NBEAL1: variants seen among roughly 807,000 people sequenced by gnomAD.
NBEAL1 encodes neurobeachin like 1.
NBEAL1 carries 273 observed loss-of-function variants against 351.3 expected under a neutral mutation model. That is an observed-to-expected ratio of 0.78 (90% CI 0.70 to 0.86). The LOEUF (loss-of-function observed/expected upper bound fraction) is 0.86. NBEAL1 is among the 40% of genes least tolerant of loss of function. The probability of loss-of-function intolerance (pLI) is 0.00; values close to 1 mark genes in which losing one functional copy is unlikely to be tolerated. For synonymous variants in NBEAL1, 1,050 were observed against 1,086.4 expected (o/e 0.97, Z 0.66); for missense variants, 2,961 against 3,201.3 (o/e 0.92, Z 1.81).
At position 203,113,084 on chromosome 2, in the gene NBEAL1, G is replaced by C; in HGVS notation, c.2272G>C (p.Asp758His). Residue 758 changes from aspartate (D) to histidine (H), a missense_variant, in exon 17 of 56, where the codon GAT becomes CAT. By Grantham distance (81) the Asp-to-His change is moderately conservative. Transcript: ENST00000683969. ...TTTPPPSQIP[D>H]PPFSSPITPH... Reference sequence around the variant, plus strand: ...CACTCCTCCACCATCCCAAATCCCAGATCCACCTTTCTCTTCTCCCATTAC... The same window carrying C: ...CACTCCTCCACCATCCCAAATCCCACATCCACCTTTCTCTTCTCCCATTAC... 3.2e-6 allele frequency: 5 copies of C among 1,549,802 alleles called. No homozygotes were observed. The South Asian group carries it at 4.8e-5, about 15-fold the overall frequency.
intron 12 of NBEAL1, among the ~76,000 whole-genome samples, chr2:203,105,016 C>G (rs999477156): frequency 6.6e-6 from 1 of 151,838 alleles, no homozygotes; most frequent in Non-Finnish European, 1.5e-5. Flanking sequence ...CTTGCCACCA[C>G]GCCTGGCTAA....
chr2:203,030,341 G>A (rs2060930581), intron 2 of NBEAL1, among the ~76,000 whole-genome samples: 1 of 152,124 alleles, frequency 6.6e-6, no homozygotes, highest in Non-Finnish European at 1.5e-5. Context: ...TGAACTTGAG[G>A]TTTTGTTTTC....
intron 7 of NBEAL1, among the ~76,000 whole-genome samples, chr2:203,073,837 CCTT>C (rs1356095961): frequency 6.6e-6 from 1 of 152,136 alleles, no homozygotes; most frequent in Non-Finnish European, 1.5e-5. Flanking sequence ...TTTATTTCGA[CCTT>C]CTTTTCTAGA....
Position 203,125,397 on chromosome 2 carries a change from T to C in NBEAL1, c.2728T>C (p.Leu910=). The C allele has an allele frequency of 1.3e-6, 2 of 1,546,660 alleles. No individual in the cohort carries two copies. Among genetic ancestry groups the C allele is most frequent in the Non-Finnish European group, 1.7e-6 (2 of 1,145,096 alleles). ...TGGGTTAAATGTACTCTTTCCTTTA[T>C]TGGAACAAATCAGCCACTTTAGTGA... ...IGGLNVLFPL[L]EQISHFSEGQ... Residue 910 remains leucine (L), a synonymous_variant, in exon 20 of 56, where the codon TTG becomes CTG. Coordinates refer to ENST00000683969, the MANE Select transcript of NBEAL1 (RefSeq NM_001378026.1).
intron 51 of NBEAL1, among the ~76,000 whole-genome samples, chr2:203,206,629 C>G (rs558214610): frequency 3.6e-4 from 54 of 151,852 alleles, no homozygotes; most frequent in African/African-American, 1.2e-3. Flanking sequence ...CTGTGTTGGC[C>G]GGGCTGGTCT....
intron 2 of NBEAL1, among the ~76,000 whole-genome samples, chr2:203,039,279 CCCTTT>C (rs2061093579): frequency 3.5e-5 from 1 of 28,706 alleles, no homozygotes; most frequent in Non-Finnish European, 7.3e-5. Context: ...CCCTTCCCTT[CCCTTT>C]CGCTTCCCCT....
Position 203,209,332 on chromosome 2 carries a change from C to T in NBEAL1, c.7785+10C>T. 1 of 1,606,556 alleles carries T rather than the reference C, an allele frequency of 6.2e-7. No individual in the cohort carries two copies. The highest frequency in any genetic ancestry group is 2.2e-5 in the East Asian group (1 of 44,726). ...AAAGACCACCCTCAAGGTATATGAC[C>T]TTTCATGCAATAGAGGTAGACTCCC... is the stretch of plus-strand genomic sequence containing the variant. On this transcript the variant is annotated intron_variant, in intron 53 of 55. Coordinates refer to ENST00000683969, the MANE Select transcript of NBEAL1 (RefSeq NM_001378026.1).
chr2:203,148,656 A>G (rs2106346975), intron 33 of NBEAL1, among the ~76,000 whole-genome samples: 1 of 152,190 alleles, frequency 6.6e-6, no homozygotes, highest in South Asian at 2.1e-4. Flanking sequence ...ATCCCAGAGG[A>G]AAATTATTTT....
intron 55 of NBEAL1, among the ~76,000 whole-genome samples, chr2:203,214,369 A>G (rs1012712881): frequency 6.6e-6 from 1 of 152,250 alleles, no homozygotes; most frequent in Non-Finnish European, 1.5e-5. Context: ...GTCAGTGGCT[A>G]TAATAACCTG....
rs1452293040 is a variant in NBEAL1, at chr2:203,220,303, G to A, written c.*2949G>A. Among the ~76,000 whole-genome samples the A allele has an allele frequency of 6.6e-6, 1 of 152,208 alleles. No individual in the cohort carries two copies. Among genetic ancestry groups the A allele is most frequent in the East Asian group, 1.9e-4 (1 of 5,170 alleles). On this transcript the variant is annotated 3_prime_UTR_variant, in exon 56 of 56. Coordinates refer to ENST00000683969, the MANE Select transcript of NBEAL1 (RefSeq NM_001378026.1). ...GTTCAAGACCAGCCTGGCCAACATG[G>A]TGAAACCCTGTCTCTACTAAAAATA...
At position 203,114,894 on chromosome 2, in the gene NBEAL1, G is replaced by A. The variant is rs1224975231; in HGVS notation, c.2507-1091G>A. Reference sequence around the variant, plus strand: ...AGCCTCCCAAGTAGCTAGGATTACAGGTGTGTGCCACCACACCCAGCTAAT... The same window carrying A: ...AGCCTCCCAAGTAGCTAGGATTACAAGTGTGTGCCACCACACCCAGCTAAT... On this transcript the variant is annotated intron_variant, in intron 17 of 55. Coordinates refer to ENST00000683969, the MANE Select transcript of NBEAL1 (RefSeq NM_001378026.1). Among the ~76,000 whole-genome samples the A allele has an allele frequency of 2.0e-5, 3 of 151,394 alleles. No individual in the cohort carries two copies. In the East Asian group the frequency reaches 5.9e-4, roughly 30 times the overall value.
chr2:203,049,839 T>G lies in NBEAL1; in HGVS notation c.169T>G (p.Ser57Ala). ...GGTAGATGATATGCCTCCAGGAATA[T>G]CTCTGCTTCCTGATAATATTCTGCA... ...TRVDDMPPGI[S>A]LLPDNILQVL... The change falls in exon 4 of 56, where the codon TCT becomes GCT. Residue 57 changes from serine (S) to alanine (A), a missense_variant. Coordinates refer to ENST00000683969, the MANE Select transcript of NBEAL1 (RefSeq NM_001378026.1). The G allele has an allele frequency of 9.7e-6, 15 of 1,553,412 alleles. No individual in the cohort carries two copies. The South Asian group carries it at 1.7e-4, about 17-fold the overall frequency.
At chr2:203,122,037 C>T (rs879457083) in intron 18 of NBEAL1, among the ~76,000 whole-genome samples, 6 of 152,114 alleles carry the variant, frequency 3.9e-5, no homozygotes, top group African/African-American at 9.7e-5. Flanking sequence ...CCACCTGCCT[C>T]GGCCTCCCAA....
chr2:203,031,514 A>G (rs933487638), intron 2 of NBEAL1, among the ~76,000 whole-genome samples: 1 of 152,232 alleles, frequency 6.6e-6, no homozygotes, highest in East Asian at 1.9e-4. Context: ...AGGAATGTCA[A>G]TATGAAGTCT....
intron 39 of NBEAL1, among the ~76,000 whole-genome samples, chr2:203,170,432 C>T (rs1355370461): frequency 1.3e-5 from 2 of 151,996 alleles, no homozygotes; most frequent in Non-Finnish European, 1.5e-5. Context: ...ATAATCAATG[C>T]ATGAGGTTTA....
chr2:203,116,443 AAAAG>A (rs1234829515), intron 18 of NBEAL1, among the ~76,000 whole-genome samples: 22 of 152,118 alleles, frequency 1.4e-4, no homozygotes, highest in Admixed American at 1.2e-3. Context: ...AAATTTTAAA[AAAAG>A]AAAGAAAGAG....
At chr2:203,119,800 CTTTTG>C (rs2062789670) in intron 18 of NBEAL1, among the ~76,000 whole-genome samples, 1 of 152,064 alleles carries the variant, frequency 6.6e-6, no homozygotes, top group Non-Finnish European at 1.5e-5. Flanking sequence ...AACCAGTTTA[CTTTTG>C]TTTTGTCCTA....
chr2:203,142,044 G>A (rs962762781), intron 31 of NBEAL1, among the ~76,000 whole-genome samples: 4 of 152,152 alleles, frequency 2.6e-5, no homozygotes, highest in Admixed American at 6.5e-5. Context: ...CTCAGCCAAT[G>A]ATTCCCATCC....
chr2:203,052,477 G>C (rs1328968019), intron 4 of NBEAL1: 2 of 152,234 alleles, frequency 1.3e-5, no homozygotes, highest in African/African-American at 4.8e-5. Flanking sequence ...GTCATAATTA[G>C]AATCATACAG....
Sources: allele counts gnomAD v4.1 joint callset (sites outside exome capture counted in the v4.1 genomes callset), GRCh38; gene constraint gnomAD v4.1.1; transcripts MANE v1.5; gene names NCBI Gene and HGNC (gene_info 2026-07-23, HGNC 2026-07-21).